The following SLIT3 variants were observed in gnomAD, a reference collection of about 807,000 sequenced individuals.
SLIT3 encodes slit guidance ligand 3, also known as slit homolog 3 protein.
A neutral mutation model predicts 184.0 loss-of-function variants in SLIT3; 68 were observed. The observed-to-expected ratio is 0.37, with a 90% CI of 0.30 to 0.45. The LOEUF is 0.45. Ranked by LOEUF, SLIT3 falls within the 20% of genes least tolerant of loss-of-function variation. The pLI is 1.00. For missense variants in SLIT3, 1,707 were observed against 2,026.0 expected (o/e 0.84, Z 3.02); for synonymous variants, 831 against 828.6 (o/e 1.00, Z -0.05).
intron 20 of SLIT3, among the ~76,000 whole-genome samples, chr5:168,730,675 G>T (rs1763266617): frequency 6.6e-6 from 1 of 151,608 alleles, no homozygotes; most frequent in African/African-American, 2.4e-5. Flanking sequence ...AAATCCAAAT[G>T]AATGAAAATG....
At chr5:168,809,666 T>C (rs1037065960) in intron 8 of SLIT3, among the ~76,000 whole-genome samples, 4 of 152,168 alleles carry the variant, frequency 2.6e-5, no homozygotes, top group African/African-American at 9.7e-5. Context: ...TTTTTGGTCT[T>C]AATCACTGGT....
chr5:169,251,421 A>C lies in SLIT3; in HGVS notation c.236T>G (p.Met79Arg). The C allele has an allele frequency of 6.2e-7, 1 of 1,613,724 alleles. No homozygotes were observed. The highest frequency in any genetic ancestry group is 8.5e-7 in the Non-Finnish European group (1 of 1,179,622). Residue 79 changes from methionine (M) to arginine (R), a missense_variant, in exon 2 of 36, where the codon ATG (methionine) becomes AGG (arginine). Around this residue, in one of 3 missense-constraint regions of SLIT3, gnomAD observed 1,307 missense variants for 1,511.6 expected, o/e 0.86. Coordinates refer to ENST00000519560, the MANE Select transcript of SLIT3 (RefSeq NM_003062.4). ...DRNNITRITK[M>R]DFAGLKNLRV... ...GAGGTTCTTGAGCCCAGCGAAGTCC[A>C]TCTTGGTGATCCTGGTGATATTATT...
chr5:168,914,768 A>G (rs1761379342), intron 4 of SLIT3, among the ~76,000 whole-genome samples: 1 of 151,924 alleles, frequency 6.6e-6, no homozygotes, highest in African/African-American at 2.4e-5. Flanking sequence ...AAACTCACAT[A>G]CTCACAGGAA....
intron 1 of SLIT3, among the ~76,000 whole-genome samples, chr5:169,272,936 G>A (rs1164947688): frequency 6.6e-6 from 1 of 152,116 alleles, no homozygotes; most frequent in East Asian, 1.9e-4. Context: ...AACCTGCTGG[G>A]GTGGGAGCCC....
chr5:169,058,843 G>A (rs150816070), intron 4 of SLIT3, among the ~76,000 whole-genome samples: 1 of 152,318 alleles, frequency 6.6e-6, no homozygotes, highest in African/African-American at 2.4e-5. Context: ...GATGCCTCAG[G>A]TTTGGAAAAT....
At chr5:169,258,246 T>C (rs1766045540) in intron 1 of SLIT3, among the ~76,000 whole-genome samples, 1 of 152,180 alleles carries the variant, frequency 6.6e-6, no homozygotes, top group South Asian at 2.1e-4. Flanking sequence ...CATTTACCAT[T>C]AGAGCATTTT....
At chr5:168,961,512 TAATAGC>T (rs1763006788) in intron 4 of SLIT3, among the ~76,000 whole-genome samples, 1 of 152,170 alleles carries the variant, frequency 6.6e-6, no homozygotes, top group Non-Finnish European at 1.5e-5. Context: ...TATAAAACTA[TAATAGC>T]AATAAGTACG....
intron 3 of SLIT3, among the ~76,000 whole-genome samples, chr5:169,197,717 G>A (rs1763782903): frequency 6.6e-6 from 1 of 152,180 alleles, no homozygotes; most frequent in African/African-American, 2.4e-5. Flanking sequence ...ATGTGGGCCA[G>A]GGCAATGACA....
chr5:169,197,301 G>A (rs1435347811), intron 3 of SLIT3, among the ~76,000 whole-genome samples: 1 of 152,096 alleles, frequency 6.6e-6, no homozygotes, highest in Non-Finnish European at 1.5e-5. Context: ...GTCGCCTGCT[G>A]GTTCTCAATA....
At chr5:169,283,103 G>A (rs1767042368) in intron 1 of SLIT3, among the ~76,000 whole-genome samples, 1 of 152,188 alleles carries the variant, frequency 6.6e-6, no homozygotes, top group Non-Finnish European at 1.5e-5. Context: ...CACCCAGCTG[G>A]TGAATGGTAA....
At chr5:169,273,160 C>A (rs555382874) in intron 1 of SLIT3, among the ~76,000 whole-genome samples, 1 of 152,314 alleles carries the variant, frequency 6.6e-6, no homozygotes, top group South Asian at 2.1e-4. Context: ...CAGCCCACCA[C>A]CCCCTGCCTC....
intron 4 of SLIT3, chr5:169,036,421 C>T (rs888445430): frequency 1.5e-4 from 23 of 152,178 alleles, no homozygotes; most frequent in Non-Finnish European, 1.5e-5. Flanking sequence ...AACCACCCTC[C>T]AATTATGCAT....
chr5:168,943,738 A>G (rs1025165890), intron 4 of SLIT3, among the ~76,000 whole-genome samples: 1 of 152,198 alleles, frequency 6.6e-6, no homozygotes, highest in Non-Finnish European at 1.5e-5. Flanking sequence ...TTTATGAATA[A>G]TATATGAGCT....
intron 14 of SLIT3, 31 bp downstream of exon 14, chr5:168,772,750 A>C: frequency 6.2e-7 from 1 of 1,612,916 alleles, no homozygotes; most frequent in South Asian, 1.1e-5. Flanking sequence ...TCTGAGTCAG[A>C]AAGCGGGGCC....
chr5:169,138,572 T>C (rs188813484), intron 4 of SLIT3, among the ~76,000 whole-genome samples: 307 of 152,282 alleles, frequency 2.0e-3, no homozygotes, highest in Non-Finnish European at 3.2e-4. Flanking sequence ...ATAGAACTGC[T>C]GGGAAGATTA....
intron 4 of SLIT3, among the ~76,000 whole-genome samples, chr5:169,106,943 C>T (rs1760234806): frequency 6.6e-6 from 1 of 152,244 alleles, no homozygotes; most frequent in Non-Finnish European, 1.5e-5. Context: ...CCAAGGTCAC[C>T]TGCATCTAGG....
chr5:169,125,826 G>A (rs1351069082), intron 4 of SLIT3, among the ~76,000 whole-genome samples: 2 of 152,196 alleles, frequency 1.3e-5, no homozygotes, highest in Non-Finnish European at 2.9e-5. Context: ...CAGCTTGAGA[G>A]GAATGAAGCC....
chr5:169,194,091 TG>T (rs1763660445), intron 3 of SLIT3, among the ~76,000 whole-genome samples: 1 of 151,776 alleles, frequency 6.6e-6, no homozygotes. Flanking sequence ...AAAAATTAGC[TG>T]GGCATCGTGC....
At chr5:168,821,632 A>G (rs1241410199) in intron 7 of SLIT3, among the ~76,000 whole-genome samples, 1 of 152,266 alleles carries the variant, frequency 6.6e-6, no homozygotes, top group Non-Finnish European at 1.5e-5. Flanking sequence ...GATCCAGGAA[A>G]GAATTTGGGA....
Sources: allele counts gnomAD v4.1 joint callset (sites outside exome capture counted in the v4.1 genomes callset), GRCh38; gene constraint gnomAD v4.1.1; regional missense constraint gnomAD v4.1.1; transcripts MANE v1.5; gene names NCBI Gene and HGNC (gene_info 2026-07-23, HGNC 2026-07-21).